NLRP8: variants seen among roughly 807,000 people sequenced by gnomAD.
The protein encoded by NLRP8 is NLR family pyrin domain containing 8.
In NLRP8, 86 loss-of-function variants were observed where a neutral mutation model predicts 88.7. That is an observed-to-expected ratio of 0.97 (90% confidence interval 0.81 to 1.16). The LOEUF (loss-of-function observed/expected upper bound fraction) is 1.16. Ranked by LOEUF, NLRP8 falls within the 50% of genes most tolerant of loss-of-function variation. NLRP8 has a pLI of 0.00. For synonymous variants in NLRP8, 504 were observed against 494.6 expected (o/e 1.02, Z -0.25); for missense variants, 1,342 against 1,286.5 (o/e 1.04, Z -0.66).
intron 3 of NLRP8, among the ~76,000 whole-genome samples, chr19:55,959,368 C>G (rs1044304423): frequency 6.6e-6 from 1 of 151,558 alleles, no homozygotes; most frequent in South Asian, 2.1e-4. Context: ...CCCGCCACCA[C>G]GCCTGGCTAA....
rs118129531 is a variant in NLRP8 at position 55,952,848 on chromosome 19, C to T, written c.442+236C>T. On this transcript the variant is annotated intron_variant, in intron 2 of 9. Coordinates refer to ENST00000291971, the MANE Select transcript of NLRP8 (RefSeq NM_176811.2). ...GGCTGAGTGAGAAGAATTGCTTGAA[C>T]CCGGGAGGCGGAGGGTTGCAGTGAG... 9.7e-3 allele frequency among the ~76,000 whole-genome samples: 1,471 copies of T among 152,214 alleles called. 50 individuals carry two copies. The highest frequency in any genetic ancestry group is 0.06 in the East Asian group (310 of 5,182).
intron 6 of NLRP8, 75 bp from the exon 7 acceptor site, chr19:55,973,577 G>GA: frequency 7.3e-7 from 1 of 1,364,450 alleles, no homozygotes; most frequent in Non-Finnish European, 1.0e-6. Flanking sequence ...GGAGAGCCCT[G>GA]ACTGAGAAGA....
chr19:55,952,705 T>A, intron 2 of NLRP8, 93 bp downstream of exon 2: 1 of 919,110 alleles, frequency 1.1e-6, no homozygotes, highest in Non-Finnish European at 1.8e-6. Flanking sequence ...GATTTTAAGT[T>A]ACCATGTCCA....
chr19:55,981,384 AT>A (rs1161656443), intron 9 of NLRP8, among the ~76,000 whole-genome samples: 16 of 152,306 alleles, frequency 1.1e-4, no homozygotes, highest in Non-Finnish European at 1.5e-5. Context: ...TAACACATAG[AT>A]TAGTCACTGC....
At position 55,955,302 on chromosome 19, in the gene NLRP8, A is replaced by G; in HGVS notation, c.1244A>G (p.Asn415Ser). The change falls in exon 3 of 10, where the codon AAT becomes AGT. Residue 415 changes from asparagine (N) to serine (S), a missense_variant. Physicochemically the swap from Asn to Ser is conservative, Grantham distance 46 (BLOSUM62 1). Coordinates refer to ENST00000291971, the MANE Select transcript of NLRP8 (RefSeq NM_176811.2). ...AAACAGCAAATGGAGAGAGGAAACA[A>G]TCTCACACAGTCATGTCCAAATGCC... The G allele has an allele frequency of 1.9e-6, 3 of 1,614,150 alleles. No individual in the cohort carries two copies. The highest frequency in any genetic ancestry group is 2.5e-6 in the Non-Finnish European group (3 of 1,180,024).
intron 3 of NLRP8, among the ~76,000 whole-genome samples, chr19:55,961,860 G>A (rs1440304127): frequency 6.6e-6 from 1 of 152,088 alleles, no homozygotes. Flanking sequence ...AAAATACAGG[G>A]CTCTTATTTG....
At chr19:55,953,501 TCTTTA>T (rs1367789800) in intron 2 of NLRP8, among the ~76,000 whole-genome samples, 1 of 143,978 alleles carries the variant, frequency 6.9e-6, no homozygotes, top group Non-Finnish European at 1.5e-5. Flanking sequence ...TTTCTTTCTT[TCTTTA>T]TTTTTTTTGA....
intron 9 of NLRP8, among the ~76,000 whole-genome samples, chr19:55,980,728 C>A (rs1200089682): frequency 6.6e-6 from 1 of 152,158 alleles, no homozygotes; most frequent in East Asian, 1.9e-4. Context: ...GAGCCACAGT[C>A]TTTTATTACT....
chr19:55,972,207 C>T (rs73613432), intron 6 of NLRP8, among the ~76,000 whole-genome samples: 30,998 of 150,430 alleles, frequency 0.21, 3,475 homozygotes, highest in African/African-American at 0.31. Flanking sequence ...CTCTGCCTCC[C>T]TGCTTCAAGT....
At chr19:55,957,818 A>G (rs574323305) in intron 3 of NLRP8, among the ~76,000 whole-genome samples, 1 of 151,272 alleles carries the variant, frequency 6.6e-6, no homozygotes, top group South Asian at 2.1e-4. Context: ...GTTACCACTC[A>G]TGTAATTCCT....
In NLRP8 at chr19:55,958,761, G is replaced by C. The variant is rs148673757; in HGVS notation, c.2042+2661G>C. ...GATGGGGGTCTCACTTTGTTACCCAGCCTGGTCTTGATCTCCTGGGCTCAA... is the reference window on the plus strand; with the variant it reads ...GATGGGGGTCTCACTTTGTTACCCACCCTGGTCTTGATCTCCTGGGCTCAA... On this transcript the variant is annotated intron_variant, in intron 3 of 9. Coordinates refer to ENST00000291971, the MANE Select transcript of NLRP8 (RefSeq NM_176811.2). Among the ~76,000 whole-genome samples, 256 of 152,282 alleles carry C rather than the reference G, an allele frequency of 1.7e-3. 5 individuals carry two copies. The East Asian group carries it at 0.032, about 19-fold the overall frequency.
chr19:55,952,481 T>A (rs1568458175), intron 1 of NLRP8, 57 bp from the exon 2 acceptor site: 9 of 1,452,416 alleles, frequency 6.2e-6, no homozygotes, highest in Admixed American at 5.0e-5. Context: ...CCATGCTGTT[T>A]CCCTGCTACC....
intron 3 of NLRP8, among the ~76,000 whole-genome samples, chr19:55,957,677 ATATATATATATATATATAT>A (rs1220821669): frequency 0.05 from 596 of 11,968 alleles, 16 homozygotes; most frequent in Non-Finnish European, 0.11. Context: ...TAATAATTAT[ATATATATATATATATATAT>A]ATATATATAT....
chr19:55,962,160 C>T lies in NLRP8; in HGVS notation c.2136C>T (p.Asn712=), dbSNP rs1426131642. 3.5e-5 allele frequency: 57 copies of T among 1,614,088 alleles called. No homozygotes were observed. Among genetic ancestry groups the T allele is most frequent in the Non-Finnish European group, 4.3e-5 (51 of 1,180,030 alleles). Residue 712 remains asparagine (N), a synonymous_variant, in exon 4 of 10, where the codon AAC becomes AAT. Transcript: ENST00000291971. ...AGCTGGAAGTCCTGACTATGACCAACAGTGTTTTGGGGCCTCCTTTTTTGA... is the reference window on the plus strand; with the variant it reads ...AGCTGGAAGTCCTGACTATGACCAATAGTGTTTTGGGGCCTCCTTTTTTGA...
chr19:55,975,996 C>CA, intron 7 of NLRP8, 137 bp from the exon 8 acceptor site: 1 of 871,244 alleles, frequency 1.1e-6, no homozygotes, highest in Non-Finnish European at 1.7e-6. Context: ...AAACAAAAAA[C>CA]AAACAAACAA....
In NLRP8 at chr19:55,955,293, G is replaced by C; in HGVS notation, c.1235G>C (p.Arg412Thr). The C allele has an allele frequency of 6.2e-7, 1 of 1,614,178 alleles. No homozygotes were observed. The highest frequency in any genetic ancestry group is 8.5e-7 in the Non-Finnish European group (1 of 1,180,036). ...TCTGGTCTGAAACAGCAAATGGAGA[G>C]AGGAAACAATCTCACACAGTCATGT... Residue 412 changes from arginine to threonine, a missense_variant, in exon 3 of 10, where the codon AGA (arginine) becomes ACA (threonine). Coordinates refer to ENST00000291971, the MANE Select transcript of NLRP8 (RefSeq NM_176811.2).
intron 4 of NLRP8, among the ~76,000 whole-genome samples, chr19:55,963,477 G>T (rs997172154): frequency 1.3e-5 from 2 of 152,174 alleles, no homozygotes; most frequent in Non-Finnish European, 2.9e-5. Context: ...TGCCTGCGTG[G>T]GGTAAGCCTC....
intron 4 of NLRP8, 122 bp from the exon 5 acceptor site, chr19:55,966,090 AC>A (rs1423495163): frequency 2.8e-5 from 21 of 748,440 alleles, no homozygotes; most frequent in African/African-American, 5.3e-5. Context: ...TCAGTTGTAA[AC>A]CCCCTGAGAG....
At chr19:55,949,030 C>T (rs867925898) in intron 1 of NLRP8, among the ~76,000 whole-genome samples, 2 of 152,212 alleles carry the variant, frequency 1.3e-5, no homozygotes, top group Middle Eastern at 3.4e-3. Flanking sequence ...CAGTCATCCC[C>T]TTATCCAAGG....
Sources: allele counts gnomAD v4.1 joint callset (sites outside exome capture counted in the v4.1 genomes callset), GRCh38; gene constraint gnomAD v4.1.1; transcripts MANE v1.5; gene names NCBI Gene and HGNC (gene_info 2026-07-23, HGNC 2026-07-21).